The following UMAD1 variants were observed in gnomAD, a reference collection of about 807,000 sequenced individuals.
The protein encoded by UMAD1 is UBAP1-MVB12-associated (UMA)-domain containing protein 1.
A neutral mutation model predicts 6.1 loss-of-function variants in UMAD1; 8 were observed. The observed-to-expected ratio is 1.30, with a 90% CI of 0.76 to 2.35. The LOEUF is 2.35. Among genes scored for constraint, UMAD1 ranks in the 30% most tolerant of loss-of-function variants. UMAD1 has a pLI of 0.00. For missense variants in UMAD1, 130 were observed against 78.4 expected (o/e 1.66, Z -2.49); for synonymous variants, 56 against 31.4 (o/e 1.78, Z -2.61).
intron 2 of UMAD1, among the ~76,000 whole-genome samples, chr7:7,716,839 G>C (rs1780920054): frequency 6.6e-6 from 1 of 152,026 alleles, no homozygotes; most frequent in Non-Finnish European, 1.5e-5. Flanking sequence ...CCAGCTACTC[G>C]GGAGCCTGAG....
In UMAD1 at chr7:7,801,746, A is replaced by G; in HGVS notation, c.156+3A>G. On this transcript the variant is annotated splice_donor_region_variant and intron_variant, in intron 3 of 3. Coordinates refer to ENST00000682710, the MANE Select transcript of UMAD1 (RefSeq NM_001302348.2). ...TAGAGGCCAACCAACCTTTGGAGGT[A>G]AGTGAAACAGAGTAAGTCCTTTTCG... is the stretch of plus-strand genomic sequence containing the variant. The G allele has an allele frequency of 1.4e-6, 1 of 717,944 alleles. No individual in the cohort carries two copies. Among genetic ancestry groups the G allele is most frequent in the Non-Finnish European group, 2.6e-6 (1 of 385,170 alleles). 44.5% of individuals were successfully genotyped at this position (717,944 alleles called of 1,614,324 possible).
chr7:7,705,841 TC>T (rs1481875823), intron 2 of UMAD1, among the ~76,000 whole-genome samples: 2 of 152,122 alleles, frequency 1.3e-5, no homozygotes, highest in Non-Finnish European at 2.9e-5. Flanking sequence ...TAATAAACAT[TC>T]CTTTCTGGTG....
intron 1 of UMAD1, among the ~76,000 whole-genome samples, chr7:7,649,143 A>G (rs1785163201): frequency 1.4e-5 from 2 of 138,286 alleles, no homozygotes; most frequent in South Asian, 2.4e-4. Context: ...GTGCGACAAG[A>G]GCGAGACTCC....
chr7:7,741,388 A>G (rs1374206414), intron 2 of UMAD1, among the ~76,000 whole-genome samples: 1 of 151,860 alleles, frequency 6.6e-6, no homozygotes, highest in Non-Finnish European at 1.5e-5. Context: ...TGGCTAACAC[A>G]GTGAAACCCC....
intron 2 of UMAD1, among the ~76,000 whole-genome samples, chr7:7,721,821 G>T (rs1184205369): frequency 6.6e-6 from 1 of 152,174 alleles, no homozygotes; most frequent in Non-Finnish European, 1.5e-5. Flanking sequence ...TTGATCCTGG[G>T]TGTGTCTGTG....
chr7:7,873,399 A>T (rs1784363770), intron 3 of UMAD1, among the ~76,000 whole-genome samples: 1 of 152,152 alleles, frequency 6.6e-6, no homozygotes, highest in African/African-American at 2.4e-5. Flanking sequence ...CTTTAAAGAG[A>T]ATAGAATGGT....
chr7:7,843,164 C>G (rs1271840632), intron 3 of UMAD1, among the ~76,000 whole-genome samples: 1 of 152,172 alleles, frequency 6.6e-6, no homozygotes, highest in African/African-American at 2.4e-5. Context: ...GCAGAAGATG[C>G]CATTTTAAGT....
intron 2 of UMAD1, among the ~76,000 whole-genome samples, chr7:7,680,277 A>C (rs1010438903): frequency 6.6e-6 from 1 of 152,122 alleles, no homozygotes; most frequent in Admixed American, 6.5e-5. Flanking sequence ...CAGTTTTCCC[A>C]GCACCACTGA....
At chr7:7,785,750 TG>T (rs1782449883) in intron 2 of UMAD1, among the ~76,000 whole-genome samples, 1 of 152,046 alleles carries the variant, frequency 6.6e-6, no homozygotes, top group Non-Finnish European at 1.5e-5. Context: ...TGACATGATG[TG>T]GGGAGTGAGG....
intron 3 of UMAD1, among the ~76,000 whole-genome samples, chr7:7,817,234 C>A (rs547416556): frequency 6.6e-6 from 1 of 152,304 alleles, no homozygotes; most frequent in South Asian, 2.1e-4. Context: ...ATTTAGTCTC[C>A]CCTCTGGTCC....
At chr7:7,860,539 T>TC (rs1391112950) in intron 3 of UMAD1, among the ~76,000 whole-genome samples, 1 of 144,070 alleles carries the variant, frequency 6.9e-6, no homozygotes, top group Non-Finnish European at 1.5e-5. Flanking sequence ...GGCAGGTGGA[T>TC]CACGGGGTCA....
intron 2 of UMAD1, among the ~76,000 whole-genome samples, chr7:7,717,888 A>G (rs1041381117): frequency 6.6e-6 from 1 of 152,232 alleles, no homozygotes; most frequent in Non-Finnish European, 1.5e-5. Flanking sequence ...ATGTCATGTG[A>G]AAATCTGTTT....
chr7:7,854,899 G>T (rs896655733), intron 3 of UMAD1, among the ~76,000 whole-genome samples: 1 of 152,190 alleles, frequency 6.6e-6, no homozygotes, highest in Non-Finnish European at 1.5e-5. Context: ...GGGGGTACAG[G>T]CATTGGGTAG....
chr7:7,644,466 A>G (rs969644432), intron 1 of UMAD1, among the ~76,000 whole-genome samples: 2 of 151,870 alleles, frequency 1.3e-5, no homozygotes, highest in Non-Finnish European at 2.9e-5. Flanking sequence ...TCTTTGATAC[A>G]TCGTACTCTT....
At chr7:7,644,045 A>G (rs1785038994) in intron 1 of UMAD1, among the ~76,000 whole-genome samples, 1 of 152,142 alleles carries the variant, frequency 6.6e-6, no homozygotes, top group Non-Finnish European at 1.5e-5. Flanking sequence ...TGGTGGTACC[A>G]GTTTACTCTC....
intron 2 of UMAD1, among the ~76,000 whole-genome samples, chr7:7,691,884 A>G (rs1454678037): frequency 1.3e-5 from 2 of 152,220 alleles, no homozygotes; most frequent in Non-Finnish European, 2.9e-5. Flanking sequence ...TTATCTGGCT[A>G]GTAGCTCAGT....
chr7:7,847,101 AAAAATATATAT>A (rs1381926859), intron 3 of UMAD1, among the ~76,000 whole-genome samples: 22 of 32,132 alleles, frequency 6.8e-4, no homozygotes, highest in South Asian at 1.1e-3. Flanking sequence ...AAAAAAAAAA[AAAAATATATAT>A]ATATATATAT....
intron 2 of UMAD1, among the ~76,000 whole-genome samples, chr7:7,699,096 TTGCC>T (rs1352249349): frequency 6.6e-6 from 1 of 151,792 alleles, no homozygotes; most frequent in Non-Finnish European, 1.5e-5. Flanking sequence ...AGGCTGATCT[TTGCC>T]TGCCTTGGCT....
At chr7:7,676,123 G>GT in intron 2 of UMAD1, 1 of 398,610 alleles carries the variant, frequency 2.5e-6, no homozygotes, top group South Asian at 1.3e-4. Context: ...AGGCTCTCCA[G>GT]TGACGTGCTG....
Sources: allele counts gnomAD v4.1 joint callset (sites outside exome capture counted in the v4.1 genomes callset), GRCh38; gene constraint gnomAD v4.1.1; transcripts MANE v1.5; gene names NCBI Gene and HGNC (gene_info 2026-07-23, HGNC 2026-07-21).